Variants in EBF1 observed in about 807,000 individuals in gnomAD.
EBF1 encodes the protein transcription factor COE1.
Under a neutral mutation model 68.4 loss-of-function variants are expected in EBF1, and 10 were observed. That is an observed-to-expected ratio of 0.15 (90% CI 0.09 to 0.25). EBF1 has a LOEUF of 0.25. Ranked by LOEUF, EBF1 falls within the 10% of genes least tolerant of loss-of-function variation. EBF1 has a pLI of 1.00. For synonymous variants in EBF1, 298 were observed against 299.8 expected, an observed-to-expected ratio of 0.99 and a Z score of 0.06; for missense variants, 509 against 794.4, an observed-to-expected ratio of 0.64 and a Z score of 4.32.
At chr5:158,736,387 G>C (rs1365479079) in intron 10 of EBF1, among the ~76,000 whole-genome samples, 2 of 152,172 alleles carry the variant, frequency 1.3e-5, no homozygotes, top group African/African-American at 4.8e-5. Flanking sequence ...AGAATTCCCT[G>C]CTTTTATAGC....
chr5:158,948,375 T>C (rs11949404), intron 6 of EBF1, among the ~76,000 whole-genome samples: 135,393 of 151,140 alleles, frequency 0.9, 61,332 homozygotes, highest in Non-Finnish European at 0.96. Flanking sequence ...CACTGGAATG[T>C]TTAAAAAAAA....
intron 6 of EBF1, among the ~76,000 whole-genome samples, chr5:158,884,741 A>G (rs964664714): frequency 1.3e-5 from 2 of 152,182 alleles, no homozygotes; most frequent in Non-Finnish European, 2.9e-5. Flanking sequence ...TTATTATACT[A>G]CTAATATTAA....
intron 3 of EBF1, 129 bp from the exon 4 acceptor site, chr5:159,095,804 G>A (rs1782501235): frequency 1.1e-6 from 1 of 921,768 alleles, no homozygotes; most frequent in South Asian, 1.6e-5. Flanking sequence ...GGGCTCCAAG[G>A]CTGATTGGAA....
intron 5 of EBF1, among the ~76,000 whole-genome samples, chr5:159,077,823 G>A (rs1052216558): frequency 7.7e-6 from 1 of 129,678 alleles, no homozygotes; most frequent in Non-Finnish European, 1.5e-5. Context: ...CAGCTGCCTC[G>A]ACCTCCTGGG....
At chr5:158,743,104 G>A (rs1460591968) in intron 10 of EBF1, among the ~76,000 whole-genome samples, 1 of 152,162 alleles carries the variant, frequency 6.6e-6, no homozygotes, top group Admixed American at 6.6e-5. Context: ...CCAGTGGGGA[G>A]ACAGACCTGT....
chr5:158,934,639 A>G (rs1288265632), intron 6 of EBF1, among the ~76,000 whole-genome samples: 1 of 152,260 alleles, frequency 6.6e-6, no homozygotes, highest in Non-Finnish European at 1.5e-5. Context: ...ACTTATAATC[A>G]GTCCAAACAT....
At chr5:159,020,305 A>C (rs1405995126) in intron 6 of EBF1, among the ~76,000 whole-genome samples, 1 of 152,212 alleles carries the variant, frequency 6.6e-6, no homozygotes, top group Non-Finnish European at 1.5e-5. Context: ...AAAGGCACAT[A>C]GATTGAGAAT....
chr5:158,891,953 A>T (rs1480480468), intron 6 of EBF1, among the ~76,000 whole-genome samples: 1 of 151,982 alleles, frequency 6.6e-6, no homozygotes, highest in Non-Finnish European at 1.5e-5. Flanking sequence ...TTCACCTAAG[A>T]GCTCCCCTTG....
At chr5:159,054,075 TTAAA>T (rs1774305309) in intron 6 of EBF1, among the ~76,000 whole-genome samples, 1 of 152,242 alleles carries the variant, frequency 6.6e-6, no homozygotes, top group Admixed American at 6.5e-5. Context: ...TAATATAAAC[TTAAA>T]TAAAAATTCC....
intron 10 of EBF1, among the ~76,000 whole-genome samples, chr5:158,760,733 C>T (rs1454867094): frequency 3.3e-5 from 5 of 152,118 alleles, no homozygotes; most frequent in Non-Finnish European, 5.9e-5. Flanking sequence ...CTCCCAGCAG[C>T]AAGCCGCTCG....
intron 6 of EBF1, among the ~76,000 whole-genome samples, chr5:158,929,028 G>C (rs1383907840): frequency 2.6e-5 from 4 of 152,136 alleles, no homozygotes; most frequent in African/African-American, 9.7e-5. Flanking sequence ...CACTGGGCTA[G>C]AGAAGAAACC....
At chr5:158,808,417 C>T (rs142766392) in intron 8 of EBF1, among the ~76,000 whole-genome samples, 20 of 152,212 alleles carry the variant, frequency 1.3e-4, no homozygotes, top group South Asian at 2.1e-4. Context: ...ACTTAGCCAG[C>T]GGGATCAAGT....
chr5:158,709,950 G>C (rs1253668213), intron 14 of EBF1, among the ~76,000 whole-genome samples: 1 of 152,066 alleles, frequency 6.6e-6, no homozygotes, highest in Admixed American at 6.5e-5. Flanking sequence ...GGGGTGGGGG[G>C]CCAGTTAACA....
At chr5:159,010,427 A>G (rs1764414134) in intron 6 of EBF1, among the ~76,000 whole-genome samples, 1 of 152,200 alleles carries the variant, frequency 6.6e-6, no homozygotes, top group South Asian at 2.1e-4. Flanking sequence ...AAAATTATTT[A>G]TCTTTTTGCA....
At chr5:158,712,407 G>A in intron 13 of EBF1, 74 bp from the exon 14 acceptor site, 3 of 1,542,730 alleles carry the variant, frequency 1.9e-6, no homozygotes, top group Middle Eastern at 2.0e-4. Context: ...TCGGGGAAAG[G>A]AAGGTCTCTG....
At chr5:158,900,528 ACT>A (rs1190340827) in intron 6 of EBF1, among the ~76,000 whole-genome samples, 1 of 151,786 alleles carries the variant, frequency 6.6e-6, no homozygotes, top group Non-Finnish European at 1.5e-5. Context: ...CATTTGTACA[ACT>A]CTGTTTTTTT....
chr5:158,873,115 T>G (rs553989484), intron 6 of EBF1, among the ~76,000 whole-genome samples: 100 of 150,278 alleles, frequency 6.7e-4, no homozygotes, highest in African/African-American at 2.3e-3. Flanking sequence ...CCCTCAACTC[T>G]GACTTACTAT....
At chr5:158,948,569 T>TA (rs946957602) in intron 6 of EBF1, among the ~76,000 whole-genome samples, 1 of 152,218 alleles carries the variant, frequency 6.6e-6, no homozygotes, top group African/African-American at 2.4e-5. Flanking sequence ...CACTACCTGC[T>TA]ATCTCTCTGT....
chr5:158,981,761 T>A (rs986933098), intron 6 of EBF1, among the ~76,000 whole-genome samples: 3 of 152,198 alleles, frequency 2.0e-5, no homozygotes, highest in African/African-American at 7.2e-5. Context: ...CGCAAGAAGC[T>A]ACAGTTACTT....
Sources: gnomAD v4.1 joint callset for allele counts (sites outside exome capture counted in the v4.1 genomes callset) on GRCh38, gnomAD v4.1.1 for gene constraint, MANE v1.5 for transcripts, NCBI Gene and HGNC (gene_info 2026-07-23, HGNC 2026-07-21) for gene names.